Variants in NBPF10 observed in about 807,000 individuals in gnomAD.
NBPF10 encodes the protein NBPF member 10, also known as NBPF family member NBPF10.
Under a neutral mutation model 77.9 loss-of-function variants are expected in NBPF10, and 63 were observed. That is an observed-to-expected ratio of 0.81 (90% CI 0.66 to 1.00). NBPF10 has a LOEUF of 1.00. Ranked by LOEUF, NBPF10 falls within the 50% of genes least tolerant of loss-of-function variation. The pLI is 0.00. For synonymous variants in NBPF10, 146 were observed against 264.5 expected (o/e 0.55, Z 4.35); for missense variants, 522 against 679.8 (o/e 0.77, Z 2.58).
At position 146,067,161 on chromosome 1, in the gene NBPF10, C is replaced by T; in HGVS notation, c.11144+19G>A. 1.6e-6 allele frequency: 1 copy of T among 618,018 alleles called. No individual in the cohort carries two copies. The highest frequency in any genetic ancestry group is 3.0e-6 in the Non-Finnish European group (1 of 331,484). 38.3% of individuals were successfully genotyped at this position (618,018 alleles called of 1,614,324 possible). Reference sequence around the variant, plus strand: ...AGGTGTTAACACAGAACTAAGGATCCACAATTGCTGAAAGTCACCTGGGGC... The same window carrying T: ...AGGTGTTAACACAGAACTAAGGATCTACAATTGCTGAAAGTCACCTGGGGC... On this transcript the variant is annotated intron_variant, in intron 89 of 89. Transcript: ENST00000583866.
intron 71 of NBPF10, among the ~76,000 whole-genome samples, chr1:146,081,030 C>CTGAGAGAGAG (rs1656266521): frequency 7.1e-4 from 25 of 35,436 alleles, no homozygotes; most frequent in Admixed American, 2.3e-3. Flanking sequence ...CACACACACA[C>CTGAGAGAGAG]AGAGAGAGAG....
chr1:146,139,017 C>T (rs1171044419), intron 5 of NBPF10, among the ~76,000 whole-genome samples: 13 of 139,950 alleles, frequency 9.3e-5, no homozygotes, highest in African/African-American at 3.2e-4. Context: ...CTCCTGAGCT[C>T]AGGTGTTCCG....
In NBPF10 at chr1:146,140,444, C is replaced by T. The variant is rs4068084; in HGVS notation, c.566+40G>A. The T allele has an allele frequency of 7.8e-4, 501 of 641,862 alleles. 23 individuals are homozygous for T. Among genetic ancestry groups the T allele is most frequent in the African/African-American group, 7.4e-3 (402 of 54,492 alleles). 39.8% of individuals were successfully genotyped at this position (641,862 alleles called of 1,614,324 possible). A position where few individuals can be genotyped will look rare whatever the true frequency, so the allele number is the denominator to read the frequency against. ...GGTGTGCCTCCTAGACATTTTCATA[C>T]GTTACCACCCATTACTTGCTCCTGA... is the stretch of plus-strand genomic sequence containing the variant. On this transcript the variant is annotated intron_variant, in intron 4 of 89. Transcript: ENST00000583866.
intron 8 of NBPF10, 32 bp from the exon 9 acceptor site, chr1:146,134,297 T>A: frequency 6.3e-7 from 1 of 1,599,904 alleles, no homozygotes; most frequent in South Asian, 1.1e-5. Context: ...TTCAGGTATT[T>A]CCCACTTCAC....
chr1:146,069,907 G>C (rs1233979131), intron 85 of NBPF10, among the ~76,000 whole-genome samples, 192 bp from the exon 86 acceptor site: 1 of 108,508 alleles, frequency 9.2e-6, no homozygotes, highest in African/African-American at 3.4e-5. Context: ...GAGAAAGACA[G>C]ACAGAGACAG....
chr1:146,073,414 G>A, intron 81 of NBPF10, 86 bp downstream of exon 81: 1 of 72,674 alleles, frequency 1.4e-5, no homozygotes, highest in South Asian at 5.4e-5. Flanking sequence ...TTGAAAACAT[G>A]AAATTGAACA....
At chr1:146,126,465 C>T (rs1389941226) in intron 13 of NBPF10, 57 bp from the exon 14 acceptor site, 17 of 776,906 alleles carry the variant, frequency 2.2e-5, no homozygotes, top group Non-Finnish European at 4.0e-5. Flanking sequence ...ACCACACAGC[C>T]CCAGCTAGAT....
At chr1:146,125,060 GA>G (rs1658446677) in intron 15 of NBPF10, among the ~76,000 whole-genome samples, 200 bp from the exon 16 acceptor site, 2 of 67,580 alleles carry the variant, frequency 3.0e-5, no homozygotes, top group Non-Finnish European at 5.6e-5. Flanking sequence ...CAGGGAGAGG[GA>G]GAGAGAGAGA....
intron 88 of NBPF10, among the ~76,000 whole-genome samples, 171 bp downstream of exon 88, chr1:146,067,832 A>C (rs1227386434): frequency 1.3e-5 from 2 of 151,890 alleles, no homozygotes; most frequent in African/African-American, 4.8e-5. Context: ...GAACCATTTC[A>C]TGTCTAGGCT....
At chr1:146,068,036 C>T (rs1420545714) in exon 88 of NBPF10, 1 of 548,542 alleles carries the variant, frequency 1.8e-6, no homozygotes, top group African/African-American at 3.6e-5. Context: ...AGGTACTGTT[C>T]CTCCAATGAG....
intron 88 of NBPF10, among the ~76,000 whole-genome samples, chr1:146,067,508 T>C (rs1553778147): frequency 6.8e-6 from 1 of 147,354 alleles, no homozygotes; most frequent in Non-Finnish European, 1.5e-5. Flanking sequence ...TAGTAGATCG[T>C]TATCCCAATA....
rs1473192908 is a variant in NBPF10 at position 146,086,005 on chromosome 1, T to G, written c.8159+159A>C. Among the ~76,000 whole-genome samples the G allele has an allele frequency of 1.5e-3, 25 of 16,664 alleles. 9 individuals are homozygous for G. The highest frequency in any genetic ancestry group is 2.6e-3 in the Non-Finnish European group (23 of 8,924). 10.9% of individuals were successfully genotyped at this position (16,664 alleles called of 152,430 possible). On this transcript the variant is annotated intron_variant, in intron 65 of 89. Coordinates refer to ENST00000583866, the Ensembl canonical transcript of NBPF10. ...ATAAGGGGAGGAAGAAATGGAAACCTAAATATCTACTGCAATGAAAACCAA... is the reference window on the plus strand; with the variant it reads ...ATAAGGGGAGGAAGAAATGGAAACCGAAATATCTACTGCAATGAAAACCAA...
At chr1:146,115,009 AC>A in intron 28 of NBPF10, among the ~76,000 whole-genome samples, 1 of 84,286 alleles carries the variant, frequency 1.2e-5, no homozygotes, top group Admixed American at 1.3e-4. Flanking sequence ...TCAGGTTGCC[AC>A]AGGCATGGCT....
chr1:146,073,969 T>C (rs1451636583), intron 80 of NBPF10, among the ~76,000 whole-genome samples: 1 of 99,146 alleles, frequency 1.0e-5, no homozygotes, highest in Non-Finnish European at 2.6e-5. Flanking sequence ...CTCCAAGATC[T>C]ACAAAATTGA....
At chr1:146,126,483 C>T (rs587601401) in intron 13 of NBPF10, 75 bp from the exon 14 acceptor site, 9 of 738,312 alleles carry the variant, frequency 1.2e-5, no homozygotes, top group Non-Finnish European at 2.0e-5. Flanking sequence ...GATTTCATGG[C>T]TAACATAAGG....
Position 146,124,966 on chromosome 1 carries a change from G to A in NBPF10, c.2079-106C>T, listed in dbSNP as rs1221678521. The A allele has an allele frequency of 6.3e-5, 13 of 207,598 alleles. 2 individuals are homozygous for A. The highest frequency in any genetic ancestry group is 8.2e-5 in the Non-Finnish European group (10 of 122,180). The allele number at this position is 207,598 out of a possible 1,614,324, so 12.9% of individuals were successfully genotyped here. A position where few individuals can be genotyped will look rare whatever the true frequency, so the allele number is the denominator to read the frequency against. ...TAAGGAACTGTTTAAAAAGAAAAAGGACAGATCCATTAACGAGGTAATGAA... is the reference window on the plus strand; with the variant it reads ...TAAGGAACTGTTTAAAAAGAAAAAGAACAGATCCATTAACGAGGTAATGAA... On this transcript the variant is annotated intron_variant, in intron 15 of 89. Coordinates refer to ENST00000583866, the Ensembl canonical transcript of NBPF10.
At chr1:146,080,997 A>ACG (rs1656252041) in intron 71 of NBPF10, among the ~76,000 whole-genome samples, 4 of 79,972 alleles carry the variant, frequency 5.0e-5, no homozygotes, top group East Asian at 2.9e-4. Flanking sequence ...ACACACACAC[A>ACG]CACACACACA....
chr1:146,080,788 A>C lies in NBPF10; in HGVS notation c.8892-11T>G. On this transcript the variant is annotated splice_polypyrimidine_tract_variant and intron_variant, in intron 71 of 89. Coordinates refer to ENST00000583866, the Ensembl canonical transcript of NBPF10. ...AGCTCCCTGCTGAGCCTGGAAAAGGAGGAAAAAGTAAAGAATAAGCCAGGG... is the reference window on the plus strand; with the variant it reads ...AGCTCCCTGCTGAGCCTGGAAAAGGCGGAAAAAGTAAAGAATAAGCCAGGG... The C allele has an allele frequency of 5.6e-5, 1 of 17,966 alleles. No individual in the cohort carries two copies. The highest frequency in any genetic ancestry group is 2.5e-4 in the South Asian group (1 of 3,996). The allele number at this position is 17,966 out of a possible 1,614,324, so 1.1% of individuals were successfully genotyped here. A position where few individuals can be genotyped will look rare whatever the true frequency, so the allele number is the denominator to read the frequency against.
intron 7 of NBPF10, among the ~76,000 whole-genome samples, chr1:146,135,892 C>T (rs1356936708): frequency 1.4e-5 from 2 of 144,340 alleles, no homozygotes; most frequent in Non-Finnish European, 3.0e-5. Context: ...AAGCCATGTA[C>T]AGAAATGAGG....
Sources: allele counts gnomAD v4.1 joint callset (sites outside exome capture counted in the v4.1 genomes callset), GRCh38; gene constraint gnomAD v4.1.1; transcripts MANE v1.5; gene names NCBI Gene and HGNC (gene_info 2026-07-23, HGNC 2026-07-21).